The following TTN variants were observed in gnomAD, a reference collection of about 807,000 sequenced individuals.
TTN encodes the protein titin.
TTN carries 1,525 observed loss-of-function variants against 3,223.0 expected under a neutral mutation model. The observed-to-expected ratio is 0.47, with a 90% CI of 0.45 to 0.49. The LOEUF (loss-of-function observed/expected upper bound fraction) is 0.49, where lower values mean the gene tolerates loss of function less well. Ranked by LOEUF, TTN falls within the 20% of genes least tolerant of loss-of-function variation. The probability of loss-of-function intolerance (pLI) is 0.00; values close to 1 mark genes in which losing one functional copy is unlikely to be tolerated. For synonymous variants in TTN, 14,094 were observed against 15,161.0 expected (o/e 0.93, Z 5.17); for missense variants, 40,786 against 43,424.0 (o/e 0.94, Z 5.40).
rs143578117 is a variant in TTN at position 178,774,394 on chromosome 2, T to C, written c.6870A>G (p.Val2290=). Residue 2290 remains valine (V), a synonymous_variant, in exon 30 of 363, where the codon GTA becomes GTG. Coordinates refer to ENST00000589042, the MANE Select transcript of TTN (RefSeq NM_001267550.2). ...ESYSGELECI[V]SPENIEGKWY... ...ATTTTCCTTCTATATTTTCTGGGGA[T>C]ACAATGCACTCTAATTCTCCTGAAT... 1.0e-4 allele frequency: 162 copies of C among 1,613,926 alleles called. No individual in the cohort carries two copies. Among genetic ancestry groups the C allele is most frequent in the Non-Finnish European group, 1.3e-4 (157 of 1,179,954 alleles).
chr2:178,771,282 T>G lies in TTN; in HGVS notation c.8045A>C (p.Lys2682Thr). Reference protein sequence around the residue: ...HKRRLIIAATKLDDIGEYTYK... With the variant: ...HKRRLIIAATTLDDIGEYTYK... Reference sequence around the variant, plus strand: ...GGTATATTCTCCAATGTCATCTAATTTGGTGGCAGCAATGATAAGTCTCCT... The same window carrying G: ...GGTATATTCTCCAATGTCATCTAATGTGGTGGCAGCAATGATAAGTCTCCT... The change falls in exon 34 of 363, where the codon AAA becomes ACA. Residue 2682 changes from lysine to threonine, a missense_variant. By Grantham distance (78) the Lys-to-Thr change is moderately conservative (BLOSUM62 -1). Coordinates refer to ENST00000589042, the MANE Select transcript of TTN (RefSeq NM_001267550.2). 6.2e-7 allele frequency: 1 copy of G among 1,614,116 alleles called. No homozygotes were observed. The highest frequency in any genetic ancestry group is 8.5e-7 in the Non-Finnish European group (1 of 1,180,016).
At chr2:178,669,766 C>A in intron 157 of TTN, 91 bp from the exon 158 acceptor site, 2 of 1,218,008 alleles carry the variant, frequency 1.6e-6, no homozygotes, top group Non-Finnish European at 2.4e-6. Flanking sequence ...ACAAGATGAA[C>A]GCCAAAAACC....
rs773801841 is a variant in TTN, at chr2:178,740,548, C to G, written c.12685G>C (p.Val4229Leu). 1 of 1,613,828 alleles carries G rather than the reference C, an allele frequency of 6.2e-7. No individual in the cohort carries two copies. The highest frequency in any genetic ancestry group is 8.5e-7 in the Non-Finnish European group (1 of 1,179,820). Residue 4229 changes from valine to leucine, a missense_variant, in exon 48 of 363, where the codon GTG (valine) becomes CTG (leucine). Physicochemically the swap from Val to Leu is conservative, Grantham distance 32. Transcript: ENST00000589042. The part of the protein sequence containing the change: ...EPPMHSYLTS[V>L]AEEVLSPKEK... ...TTTGGTGAAAGTACTTCCTCAGCCA[C>G]AGAGGTTAGATAAGAATGCATTGGA...
chr2:178,576,724 A>C lies in TTN; in HGVS notation c.69520T>G (p.Tyr23174Asp), dbSNP rs1472641158. 6.2e-7 allele frequency: 1 copy of C among 1,613,446 alleles called. No homozygotes were observed. Among genetic ancestry groups the C allele is most frequent in the Non-Finnish European group, 8.5e-7 (1 of 1,179,606 alleles). ...VDDGGSEITG[Y>D]HVERREKKSL... is the part of the protein sequence containing the mutation. ...TTCTTTTCTCTCCTTTCTACATGAT[A>C]TCCTGTAATTTCGCTGCCACCATCA... is the stretch of plus-strand genomic sequence containing the variant. Residue 23174 changes from tyrosine (Y) to aspartate (D), a missense_variant, in exon 325 of 363, where the codon TAT becomes GAT. Physicochemically the swap from Tyr to Asp is radical, Grantham distance 160. Transcript: ENST00000589042. This position sits in a 1 kb window ranked among gnomAD's most constrained non-coding sequence, Gnocchi z 4.3.
rs1245154926 is a variant in TTN at position 178,578,943 on chromosome 2, G to A, written c.68087C>T (p.Ser22696Leu). ...SVNNKWVTCA[S>L]AVQKTTFRVT... ...TCTAAAGGTGGTTTTCTGGACAGCTGAGGCGCACGTCACCCACTTGTTGTT... is the reference window on the plus strand; with the variant it reads ...TCTAAAGGTGGTTTTCTGGACAGCTAAGGCGCACGTCACCCACTTGTTGTT... Residue 22696 changes from serine (S) to leucine (L), a missense_variant, in exon 320 of 363, where the codon TCA (serine) becomes TTA (leucine). Ser to Leu is a moderately radical substitution (Grantham distance 145). Transcript: ENST00000589042. The A allele has an allele frequency of 6.2e-7, 1 of 1,613,284 alleles. No individual in the cohort carries two copies. The highest frequency in any genetic ancestry group is 1.7e-5 in the Admixed American group (1 of 59,974).
At chr2:178,735,136 T>C (rs2081228202) in intron 50 of TTN, 148 bp from the exon 51 acceptor site, 1 of 853,054 alleles carries the variant, frequency 1.2e-6, no homozygotes, top group Non-Finnish European at 1.7e-6. Flanking sequence ...ATTTAATAGG[T>C]TCCTATCATT....
rs2080822395 is a variant in TTN at position 178,733,009 on chromosome 2, G to A, written c.16167C>T (p.Ser5389=). The part of the protein sequence containing the change: ...KIAGSLPMRV[S]WFKDGKEIAA... ...CTATTTCTTTGCCATCCTTAAACCA[G>A]GACACCCTCATGGGGAGGGAGCCTG... Residue 5389 remains serine, a synonymous_variant, in exon 55 of 363, where the codon TCC becomes TCT. Transcript: ENST00000589042. 2 of 1,613,474 alleles carry A rather than the reference G, an allele frequency of 1.2e-6. No homozygotes were observed. Among genetic ancestry groups the A allele is most frequent in the East Asian group, 4.5e-5 (2 of 44,736 alleles).
Position 178,768,761 on chromosome 2 carries a change from C to T in TTN, c.9075G>A (p.Leu3025=). 1 of 1,614,078 alleles carries T rather than the reference C, an allele frequency of 6.2e-7. No homozygotes were observed. The highest frequency in any genetic ancestry group is 8.5e-7 in the Non-Finnish European group (1 of 1,179,998). Residue 3025 remains leucine (L), a synonymous_variant, in exon 38 of 363, where the codon CTG becomes CTA. Coordinates refer to ENST00000589042, the MANE Select transcript of TTN (RefSeq NM_001267550.2). The part of the protein sequence containing the change: ...QMRTKKLTHS[L]NIRNVHFGDA... ...CCCCAAAGTGAACATTCCTGATGTT[C>T]AGTGAGTGTGTGAGCTTTTTGGTTC...
Position 178,573,207 on chromosome 2 carries a change from TTGG to T in TTN, c.72922_72924del (p.Pro24308del). The T allele has an allele frequency of 6.2e-7, 1 of 1,608,030 alleles. No homozygotes were observed. The highest frequency in any genetic ancestry group is 2.2e-5 in the East Asian group (1 of 44,706). Reference sequence around the variant, plus strand: ...GCCTTGTAAAATGGACTGGTAGGACTTGGTGCACTAATTCCAGCAGCATTTTCA... The same window carrying T: ...GCCTTGTAAAATGGACTGGTAGGACTTGCACTAATTCCAGCAGCATTTTCA... On this transcript the variant is annotated inframe_deletion, in exon 326 of 363. Transcript: ENST00000589042.
At chr2:178,583,372 T>C (rs541655878) in intron 312 of TTN, 145 bp from the exon 313 acceptor site, 13 of 900,744 alleles carry the variant, frequency 1.4e-5, no homozygotes, top group East Asian at 1.1e-4. Context: ...AATAGACAAA[T>C]AATAACTGCA....
In TTN at chr2:178,636,625, C is replaced by G; in HGVS notation, c.41102G>C (p.Gly13701Ala). Residue 13701 changes from glycine (G) to alanine (A), a missense_variant, in exon 225 of 363, where the codon GGC (glycine) becomes GCC (alanine). Gly to Ala is a moderately conservative substitution (Grantham distance 60, BLOSUM62 0). Transcript: ENST00000589042. The surrounding 1 kb of genome is among the most constrained non-coding windows in gnomAD (Gnocchi z 4.3). ...CAAACATTCAAAGATTGCTGAAGAG[C>G]CAACGAACTCTGATTCTGTCAAGAT... The part of the protein sequence containing the change: ...DIILTESEFV[G>A]SSAIFECLVS... The G allele has an allele frequency of 6.2e-7, 1 of 1,613,376 alleles. No individual in the cohort carries two copies. The highest frequency in any genetic ancestry group is 1.1e-5 in the South Asian group (1 of 91,074).
At position 178,528,970 on chromosome 2, in the gene TTN, GTGATTTCC is replaced by G; in HGVS notation, c.106773_106780del (p.Glu35591AspfsTer2). On this transcript the variant is annotated frameshift_variant, in exon 360 of 363. Coordinates refer to ENST00000589042, the MANE Select transcript of TTN (RefSeq NM_001267550.2). LOFTEE classifies it high-confidence loss of function. Reference sequence around the variant, plus strand: ...TTCTTCTGATGCCTGTGATGTTTTAGTGATTTCCTCATGGACAATGGATTTTTCCAGGG... The same window carrying G: ...TTCTTCTGATGCCTGTGATGTTTTAGTCATGGACAATGGATTTTTCCAGGG... 6.2e-7 allele frequency: 1 copy of G among 1,613,958 alleles called. No homozygotes were observed. The highest frequency in any genetic ancestry group is 8.5e-7 in the Non-Finnish European group (1 of 1,179,872).
intron 270 of TTN, 22 bp downstream of exon 270, chr2:178,610,971 T>A (rs1559774084): frequency 6.2e-7 from 1 of 1,608,722 alleles, no homozygotes; most frequent in Non-Finnish European, 8.5e-7. Flanking sequence ...GAATGTCTGG[T>A]TTTTCTTCAA....
chr2:178,574,111 G>A lies in TTN; in HGVS notation c.72021C>T (p.Ala24007=). Residue 24007 remains alanine, a synonymous_variant, in exon 326 of 363, where the codon GCC becomes GCT. Transcript: ENST00000589042. ...CAGATGGCTCAGATGGTGGACTGAT[G>A]GCACCTGCAGCATTTTTGGCGATCA... ...FRVIAKNAAG[A]ISPPSEPSDA... 6.2e-7 allele frequency: 1 copy of A among 1,613,538 alleles called. No homozygotes were observed. Among genetic ancestry groups the A allele is most frequent in the East Asian group, 2.2e-5 (1 of 44,792 alleles).
intron 307 of TTN, 85 bp downstream of exon 307, chr2:178,587,033 G>T: frequency 6.5e-7 from 1 of 1,531,478 alleles, no homozygotes; most frequent in South Asian, 1.2e-5. Flanking sequence ...ATCTCTTTCA[G>T]AAGTGGATTA....
chr2:178,739,615 C>A lies in TTN; in HGVS notation c.13618G>T (p.Val4540Leu). The A allele has an allele frequency of 6.2e-7, 1 of 1,613,822 alleles. No individual in the cohort carries two copies. Among genetic ancestry groups the A allele is most frequent in the East Asian group, 2.2e-5 (1 of 44,834 alleles). ...ISTEEVSYFN[V>L]QSRVKYLDAT... The stretch of plus-strand genomic sequence containing the variant: ...TCCAAATATTTAACCCTACTTTGCA[C>A]GTTAAAATAACTGACCTCTTCAGTT... The change falls in exon 48 of 363, where the codon GTG (valine) becomes TTG (leucine). Residue 4540 changes from valine (V) to leucine (L), a missense_variant. Val to Leu is a conservative substitution (Grantham distance 32). Transcript: ENST00000589042.
intron 47 of TTN, chr2:178,751,741 T>C: frequency 1.9e-6 from 3 of 1,613,294 alleles, no homozygotes; most frequent in Non-Finnish European, 1.7e-6. Flanking sequence ...CACTCTCAGC[T>C]TTTATAATCC....
chr2:178,540,356 G>A lies in TTN; in HGVS notation c.97810C>T (p.Pro32604Ser). Residue 32604 changes from proline to serine, a missense_variant, in exon 351 of 363, where the codon CCA becomes TCA. Transcript: ENST00000589042. ...AMDPIAPPGKPQNPRVTDTTR... is the reference protein window; with the variant it reads ...AMDPIAPPGKSQNPRVTDTTR... ...GTATCAGTAACTCTTGGGTTTTGTG[G>A]CTTTCCTGGAGGAGCTGAGAATAAG... 2 of 1,612,038 alleles carry A rather than the reference G, an allele frequency of 1.2e-6. No individual in the cohort carries two copies. The highest frequency in any genetic ancestry group is 1.7e-6 in the Non-Finnish European group (2 of 1,178,670).
rs1260827687 is a variant in TTN at position 178,527,650 on chromosome 2, A to G, written c.107476T>C (p.Ser35826Pro). ...CTGCTGAAGGAGGCCTCCTGCTTGG[A>G]GGCAGACATTTGGACTGACTGAGAC... ...FSSQSVQMSASKQEASFSSFS... is the reference protein window; with the variant it reads ...FSSQSVQMSAPKQEASFSSFS... The change falls in exon 362 of 363, where the codon TCC becomes CCC. Residue 35826 changes from serine (S) to proline (P), a missense_variant. Ser to Pro is a moderately conservative substitution (Grantham distance 74). Transcript: ENST00000589042. 2 of 1,613,816 alleles carry G rather than the reference A, an allele frequency of 1.2e-6. No individual in the cohort carries two copies. The highest frequency in any genetic ancestry group is 1.7e-6 in the Non-Finnish European group (2 of 1,179,844).
Sources: gnomAD v4.1 joint callset for allele counts on GRCh38, gnomAD v4.1.1 for gene constraint, Gnocchi (gnomAD v3.1) non-coding constraint, MANE v1.5 for transcripts, NCBI Gene and HGNC (gene_info 2026-07-23, HGNC 2026-07-21) for gene names.